The following KAZN variants were observed in gnomAD, a reference collection of about 807,000 sequenced individuals.
The protein encoded by KAZN is kazrin.
KAZN carries 40 observed loss-of-function variants against 87.4 expected under a neutral mutation model. The ratio of observed to expected loss-of-function variants is 0.46; its 90% CI spans 0.36 to 0.60. The LOEUF (loss-of-function observed/expected upper bound fraction) is 0.60, where lower values mean the gene tolerates loss of function less well. Ranked by LOEUF, KAZN falls within the 20% of genes least tolerant of loss-of-function variation. The pLI, the probability that KAZN is intolerant of heterozygous loss-of-function variation, is 0.00. For synonymous variants in KAZN, 466 were observed against 458.3 expected (o/e 1.02, Z -0.22); for missense variants, 898 against 1,073.9 (o/e 0.84, Z 2.29).
chr1:14,399,517 C>T (rs1392145719), intron 2 of KAZN, among the ~76,000 whole-genome samples: 1 of 152,098 alleles, frequency 6.6e-6, no homozygotes, highest in East Asian at 1.9e-4. Context: ...CTCTCAGTAA[C>T]AGGCAAGCAG....
intron 2 of KAZN, among the ~76,000 whole-genome samples, chr1:14,578,336 T>C (rs1023697161): frequency 2.0e-5 from 3 of 152,112 alleles, no homozygotes; most frequent in Non-Finnish European, 4.4e-5. Context: ...TGCTGGCATG[T>C]TAAAGGAGCC....
At chr1:14,933,594 A>C (rs899573809) in intron 1 of KAZN, among the ~76,000 whole-genome samples, 1 of 147,212 alleles carries the variant, frequency 6.8e-6, no homozygotes, top group Non-Finnish European at 1.5e-5. Context: ...CAATAATTAA[A>C]ATCAGCACCT....
chr1:14,153,248 G>A (rs1645516098), intron 1 of KAZN, among the ~76,000 whole-genome samples: 1 of 152,132 alleles, frequency 6.6e-6, no homozygotes, highest in African/African-American at 2.4e-5. Context: ...TGCTTGTGGG[G>A]TATCATTCAA....
chr1:14,414,455 C>G (rs1043388926), intron 2 of KAZN, among the ~76,000 whole-genome samples: 1 of 150,864 alleles, frequency 6.6e-6, no homozygotes, highest in Non-Finnish European at 1.5e-5. Context: ...TAATGTCATA[C>G]AACAGTTAAA....
At chr1:14,804,056 G>C (rs1282866859) in intron 1 of KAZN, among the ~76,000 whole-genome samples, 1 of 152,198 alleles carries the variant, frequency 6.6e-6, no homozygotes. Flanking sequence ...ATGCCTGCCA[G>C]CTCCTGGCCT....
intron 1 of KAZN, among the ~76,000 whole-genome samples, chr1:14,821,959 A>G (rs1373875815): frequency 6.6e-6 from 1 of 152,198 alleles, no homozygotes; most frequent in Non-Finnish European, 1.5e-5. Flanking sequence ...TGCCTCTTGC[A>G]TCGTGAAATA....
At chr1:14,095,309 A>C (rs1168556227) in intron 1 of KAZN, among the ~76,000 whole-genome samples, 1 of 152,142 alleles carries the variant, frequency 6.6e-6, no homozygotes, top group African/African-American at 2.4e-5. Context: ...AGTTATTTAA[A>C]TAGGTTTTCT....
At chr1:14,014,988 TCTTGG>T (rs1348859405) in intron 1 of KAZN, among the ~76,000 whole-genome samples, 3 of 152,226 alleles carry the variant, frequency 2.0e-5, no homozygotes, top group Non-Finnish European at 4.4e-5. Context: ...GATCTCTTTT[TCTTGG>T]CTTGGGAAAG....
intron 8 of KAZN, among the ~76,000 whole-genome samples, chr1:15,069,576 G>C (rs149685809): frequency 6.6e-6 from 1 of 152,212 alleles, no homozygotes; most frequent in Non-Finnish European, 1.5e-5. Context: ...GCAGTGAGCC[G>C]AGATCGCGCC....
At chr1:14,615,828 C>G (rs1302448499) in intron 1 of KAZN, among the ~76,000 whole-genome samples, 1 of 152,200 alleles carries the variant, frequency 6.6e-6, no homozygotes, top group Admixed American at 6.5e-5. Context: ...GGTAAGACTT[C>G]TCTGAAGTCC....
chr1:14,054,033 G>C (rs1239113779), intron 1 of KAZN, among the ~76,000 whole-genome samples: 2 of 152,026 alleles, frequency 1.3e-5, no homozygotes, highest in Non-Finnish European at 2.9e-5. Context: ...ATGTTGAATT[G>C]GCTGAAGAAG....
chr1:13,919,537 A>G (rs1397611647), intron 1 of KAZN, among the ~76,000 whole-genome samples: 2 of 152,204 alleles, frequency 1.3e-5, no homozygotes, highest in Non-Finnish European at 2.9e-5. Flanking sequence ...TTTGGTGTAC[A>G]TGTACACATA....
intron 2 of KAZN, among the ~76,000 whole-genome samples, chr1:14,998,116 C>G (rs1475073448): frequency 5.9e-5 from 9 of 152,120 alleles, no homozygotes; most frequent in African/African-American, 2.2e-4. Flanking sequence ...TGGATGGGAA[C>G]TGCCCCAGAA....
intron 2 of KAZN, among the ~76,000 whole-genome samples, chr1:14,428,289 T>C: frequency 6.6e-6 from 1 of 152,314 alleles, no homozygotes; most frequent in Non-Finnish European, 1.5e-5. Flanking sequence ...GGAGTACATA[T>C]GGTGACCTGG....
At chr1:14,251,844 T>TTG (rs1650074306) in intron 2 of KAZN, among the ~76,000 whole-genome samples, 1 of 151,888 alleles carries the variant, frequency 6.6e-6, no homozygotes, top group Non-Finnish European at 1.5e-5. Context: ...AGACGGGGTC[T>TTG]CACTATGTTG....
chr1:14,340,662 T>C (rs1657612936), intron 2 of KAZN, among the ~76,000 whole-genome samples: 1 of 152,236 alleles, frequency 6.6e-6, no homozygotes, highest in Non-Finnish European at 1.5e-5. Flanking sequence ...CAATGCTTGC[T>C]GTCTGTAGGC....
At chr1:14,685,958 G>A (rs1379857072) in intron 1 of KAZN, among the ~76,000 whole-genome samples, 1 of 152,228 alleles carries the variant, frequency 6.6e-6, no homozygotes, top group Non-Finnish European at 1.5e-5. Context: ...GGCCCAAAGA[G>A]ATGGAGTAAA....
At chr1:14,637,081 G>A (rs1680048031) in intron 1 of KAZN, among the ~76,000 whole-genome samples, 1 of 152,126 alleles carries the variant, frequency 6.6e-6, no homozygotes, top group Non-Finnish European at 1.5e-5. Context: ...CCCCTTTTCT[G>A]ACTTTCTCAT....
chr1:15,023,908 G>T (rs1468418970), intron 2 of KAZN, among the ~76,000 whole-genome samples: 2 of 151,034 alleles, frequency 1.3e-5, no homozygotes, highest in African/African-American at 2.4e-5. Context: ...AGAAAAGTTT[G>T]GGGGGGTGGT....
Sources: gnomAD v4.1 joint callset for allele counts (sites outside exome capture counted in the v4.1 genomes callset) on GRCh38, gnomAD v4.1.1 for gene constraint, MANE v1.5 for transcripts, NCBI Gene and HGNC (gene_info 2026-07-23, HGNC 2026-07-21) for gene names.